Variants in LARGE1 observed in about 807,000 individuals in gnomAD.
LARGE1 encodes xylosyl- and glucuronyltransferase LARGE1.
In LARGE1, 43 loss-of-function variants were observed where a neutral mutation model predicts 87.6. That is an observed-to-expected ratio of 0.49 (90% CI 0.38 to 0.63). The LOEUF is 0.63. Among genes scored for constraint, LARGE1 ranks in the 30% least tolerant of loss-of-function variants. The pLI, the probability that LARGE1 is intolerant of heterozygous loss-of-function variation, is 0.00. For synonymous variants in LARGE1, 434 were observed against 394.6 expected (o/e 1.10, Z -1.18); for missense variants, 802 against 1,000.2 (o/e 0.80, Z 2.67).
At chr22:33,785,123 G>A (rs62225439) in intron 1 of LARGE1, among the ~76,000 whole-genome samples, 22,101 of 35,160 alleles carry the variant, frequency 0.63, 6,159 homozygotes, top group East Asian at 0.71. Context: ...ATGTGTATAT[G>A]CATATATGTG....
rs16992986 is a variant in LARGE1, at chr22:33,761,539, G to A, written c.-63C>T. ...TCTCTGTCCGGAGCATGAAGTCCTC[G>A]GCCTCCCTCATAATACTCTCTGAAA... On this transcript the variant is annotated 5_prime_UTR_variant, in exon 2 of 15. Transcript: ENST00000397394. 0.11 allele frequency: 139,203 copies of A among 1,293,070 alleles called. 8,422 individuals are homozygous for A. Among genetic ancestry groups the A allele is most frequent in the East Asian group, 0.22 (9,699 of 43,140 alleles). 80.1% of individuals were successfully genotyped at this position (1,293,070 alleles called of 1,614,324 possible). A position where few individuals can be genotyped will look rare whatever the true frequency, so the allele number is the denominator to read the frequency against.
chr22:33,589,027 C>T (rs557507169), intron 5 of LARGE1, among the ~76,000 whole-genome samples: 94 of 152,268 alleles, frequency 6.2e-4, no homozygotes, highest in African/African-American at 1.9e-3. Context: ...GGCAACTAGC[C>T]GCAATAAATG....
chr22:33,287,766 C>T (rs942852998), intron 12 of LARGE1, among the ~76,000 whole-genome samples: 8 of 152,312 alleles, frequency 5.3e-5, no homozygotes, highest in South Asian at 4.2e-4. Flanking sequence ...GCTGGGCGAA[C>T]AGCCAGGAGA....
At chr22:33,494,304 A>G (rs527264019) in intron 6 of LARGE1, among the ~76,000 whole-genome samples, 6 of 152,334 alleles carry the variant, frequency 3.9e-5, no homozygotes, top group African/African-American at 1.2e-4. Flanking sequence ...TAAAATGGAG[A>G]TGGCTTGTGT....
At chr22:33,332,951 C>G (rs771816237) in intron 10 of LARGE1, among the ~76,000 whole-genome samples, 1 of 152,092 alleles carries the variant, frequency 6.6e-6, no homozygotes, top group Non-Finnish European at 1.5e-5. Flanking sequence ...CCATTCCCAC[C>G]GCAACTGTCC....
intron 1 of LARGE1, among the ~76,000 whole-genome samples, chr22:33,803,383 T>G (rs1369393515): frequency 1.3e-5 from 2 of 152,202 alleles, no homozygotes; most frequent in South Asian, 4.1e-4. Flanking sequence ...TAAGGCAAAC[T>G]GGAGTTTTAC....
chr22:33,702,839 A>G (rs773801732), intron 2 of LARGE1, among the ~76,000 whole-genome samples: 7 of 152,184 alleles, frequency 4.6e-5, no homozygotes, highest in Admixed American at 3.9e-4. Context: ...TTAGATAAGC[A>G]AGGAAGAGGG....
At chr22:33,099,403 G>A in the LARGE1 span, among the ~76,000 whole-genome samples, 2 of 151,892 alleles carry the variant, frequency 1.3e-5, no homozygotes, top group South Asian at 2.1e-4. Context: ...ACAGACATGC[G>A]CCACCAAGCC....
chr22:33,624,851 C>A (rs2079872317), intron 4 of LARGE1, among the ~76,000 whole-genome samples: 1 of 152,156 alleles, frequency 6.6e-6, no homozygotes, highest in Admixed American at 6.5e-5. Context: ...ATAGGTGGCC[C>A]TGAATGACAT....
chr22:33,552,145 T>C (rs2077542168), intron 6 of LARGE1, among the ~76,000 whole-genome samples: 3 of 152,168 alleles, frequency 2.0e-5, no homozygotes, highest in Non-Finnish European at 2.9e-5. Context: ...AGAGCATAAC[T>C]TGTGCATATG....
intron 5 of LARGE1, among the ~76,000 whole-genome samples, chr22:33,594,187 C>A (rs1341637890): frequency 6.6e-6 from 1 of 152,184 alleles, no homozygotes; most frequent in Admixed American, 6.5e-5. Context: ...TGTCGAGGCT[C>A]CTTTTGATCT....
intron 12 of LARGE1, among the ~76,000 whole-genome samples, chr22:33,283,681 G>C (rs1370803566): frequency 6.6e-6 from 1 of 152,032 alleles, no homozygotes; most frequent in Non-Finnish European, 1.5e-5. Flanking sequence ...GGGGACTGAG[G>C]CATGACAATT....
At chr22:33,435,094 C>T (rs185375986) in intron 6 of LARGE1, among the ~76,000 whole-genome samples, 221 of 152,272 alleles carry the variant, frequency 1.5e-3, no homozygotes, top group African/African-American at 2.9e-3. Flanking sequence ...CTTCGCCTCC[C>T]GAGTTAAAGC....
downstream of LARGE1, among the ~76,000 whole-genome samples, chr22:33,157,902 T>C (rs1262767097): frequency 1.3e-5 from 2 of 152,146 alleles, no homozygotes; most frequent in East Asian, 3.8e-4. Context: ...CCTAGATTTG[T>C]AGACCCAGTA....
chr22:33,802,175 T>C (rs1186798116), intron 1 of LARGE1, among the ~76,000 whole-genome samples: 1 of 152,198 alleles, frequency 6.6e-6, no homozygotes, highest in Non-Finnish European at 1.5e-5. Flanking sequence ...AAAGAAATTC[T>C]GACCCCAGGC....
intron 7 of LARGE1, among the ~76,000 whole-genome samples, chr22:33,413,463 TTTA>T (rs1021952146): frequency 1.3e-5 from 2 of 151,492 alleles, no homozygotes; most frequent in South Asian, 2.1e-4. Flanking sequence ...TTTATTTTAT[TTTA>T]TTATTATTAT....
intron 6 of LARGE1, among the ~76,000 whole-genome samples, chr22:33,453,060 A>G (rs563083704): frequency 3.3e-5 from 5 of 152,222 alleles, no homozygotes; most frequent in African/African-American, 4.8e-5. Flanking sequence ...GAATAGACAG[A>G]GACAAGCCAA....
intron 5 of LARGE1, among the ~76,000 whole-genome samples, chr22:33,578,383 G>A (rs1378846555): frequency 6.6e-6 from 1 of 152,060 alleles, no homozygotes; most frequent in Admixed American, 6.5e-5. Flanking sequence ...AATTCCGAAA[G>A]TGAGTCATTT....
chr22:33,806,569 T>C (rs1281010493), intron 1 of LARGE1, among the ~76,000 whole-genome samples: 1 of 152,180 alleles, frequency 6.6e-6, no homozygotes, highest in Admixed American at 6.6e-5. Flanking sequence ...TCTCCTCAAC[T>C]ATAAGCTCCT....
Sources: allele counts gnomAD v4.1 joint callset (sites outside exome capture counted in the v4.1 genomes callset), GRCh38; gene constraint gnomAD v4.1.1; transcripts MANE v1.5; gene names NCBI Gene and HGNC (gene_info 2026-07-23, HGNC 2026-07-21).